Variants in CYP4F12 observed in about 807,000 individuals in gnomAD.
The protein encoded by CYP4F12 is cytochrome P450 4F12.
A neutral mutation model predicts 56.5 loss-of-function variants in CYP4F12; 60 were observed. That is an observed-to-expected ratio of 1.06 (90% CI 0.86 to 1.32). The LOEUF (loss-of-function observed/expected upper bound fraction) is 1.32. CYP4F12 is among the 40% of genes most tolerant of loss of function. The pLI, the probability that CYP4F12 is intolerant of heterozygous loss-of-function variation, is 0.00. For missense variants in CYP4F12, 711 were observed against 683.5 expected, an observed-to-expected ratio of 1.04 and a Z score of -0.45; for synonymous variants, 263 against 264.9, an observed-to-expected ratio of 0.99 and a Z score of 0.07.
intron 9 of CYP4F12, among the ~76,000 whole-genome samples, chr19:15,685,851 C>T (rs188206273): frequency 4.9e-4 from 74 of 152,342 alleles, no homozygotes; most frequent in Middle Eastern, 6.8e-3. Context: ...TCCTACCCTC[C>T]GGTCCAGTCC....
rs188811184 is a variant in CYP4F12 at position 15,685,380 on chromosome 19, G to A, written c.1115+183G>A. Among the ~76,000 whole-genome samples the A allele has an allele frequency of 1.3e-3, 202 of 152,286 alleles. 1 individual carries two copies. The highest frequency in any genetic ancestry group is 1.7e-3 in the Non-Finnish European group (118 of 68,020). ...TCAGGGGAAAAGTTGCAGGCCTTTAGGACCGAAAGACCCGGGCTGCTAAGA... is the reference window on the plus strand; with the variant it reads ...TCAGGGGAAAAGTTGCAGGCCTTTAAGACCGAAAGACCCGGGCTGCTAAGA... On this transcript the variant is annotated intron_variant, in intron 9 of 12. Coordinates refer to ENST00000550308, the MANE Select transcript of CYP4F12 (RefSeq NM_023944.4).
In CYP4F12 at chr19:15,678,258, C is replaced by A; in HGVS notation, c.199-3C>A. ...GAAGTGACAGCCCTTGACTTGCTTT[C>A]AGATCACTCCTACAGAGGAGGGCTT... On this transcript the variant is annotated splice_region_variant and splice_polypyrimidine_tract_variant and intron_variant, in intron 2 of 12. Transcript: ENST00000550308. 6.2e-7 allele frequency: 1 copy of A among 1,614,188 alleles called. No individual in the cohort carries two copies. Among genetic ancestry groups the A allele is most frequent in the African/African-American group, 1.3e-5 (1 of 75,068 alleles).
chr19:15,694,205 G>GT (rs1242681263), intron 9 of CYP4F12, among the ~76,000 whole-genome samples: 4 of 149,650 alleles, frequency 2.7e-5, no homozygotes, highest in Admixed American at 2.0e-4. Flanking sequence ...CTTTAAAGTA[G>GT]TTTTTTCCAA....
chr19:15,685,271 A>C (rs1488303815), intron 9 of CYP4F12, 74 bp downstream of exon 9: 1 of 1,558,660 alleles, frequency 6.4e-7, no homozygotes. Flanking sequence ...GGGGTGGAGG[A>C]GTTGTTTTGT....
chr19:15,690,144 T>C (rs1426644626), intron 9 of CYP4F12, among the ~76,000 whole-genome samples: 1 of 152,204 alleles, frequency 6.6e-6, no homozygotes, highest in African/African-American at 2.4e-5. Context: ...ATTAACAATA[T>C]ATCTTTGGGA....
chr19:15,678,624 C>A, intron 3 of CYP4F12: 1 of 569,630 alleles, frequency 1.8e-6, no homozygotes, highest in African/African-American at 1.9e-5. Context: ...AACCCCCATG[C>A]TTAAGGACAC....
At chr19:15,685,493 C>A (rs1314325035) in intron 9 of CYP4F12, among the ~76,000 whole-genome samples, 1 of 152,186 alleles carries the variant, frequency 6.6e-6, no homozygotes, top group East Asian at 1.9e-4. Flanking sequence ...TCTGTTCTCC[C>A]AGAAATATCA....
chr19:15,676,149 G>A (rs1204360258), intron 2 of CYP4F12, among the ~76,000 whole-genome samples: 1 of 152,072 alleles, frequency 6.6e-6, no homozygotes, highest in East Asian at 1.9e-4. Flanking sequence ...GCCCTCAATG[G>A]ATTGGATGGG....
chr19:15,680,261 G>A lies in CYP4F12; in HGVS notation c.361G>A (p.Asp121Asn). The A allele has an allele frequency of 6.2e-7, 1 of 1,607,870 alleles. No homozygotes were observed. Among genetic ancestry groups the A allele is most frequent in the Non-Finnish European group, 8.5e-7 (1 of 1,176,528 alleles). The change falls in exon 4 of 13, where the codon GAT becomes AAT. Residue 121 changes from aspartate to asparagine, a missense_variant. Physicochemically the swap from Asp to Asn is conservative, Grantham distance 23 (BLOSUM62 1). Coordinates refer to ENST00000550308, the MANE Select transcript of CYP4F12 (RefSeq NM_023944.4). ...CATGTCAGCTGCCATTGCACCCAAGGATAATCTCTTCATCAGGTTCCTGAA... is the reference window on the plus strand; with the variant it reads ...CATGTCAGCTGCCATTGCACCCAAGAATAATCTCTTCATCAGGTTCCTGAA... Reference protein sequence around the residue: ...TNASAAIAPKDNLFIRFLKPW... With the variant: ...TNASAAIAPKNNLFIRFLKPW...
chr19:15,690,882 G>GT (rs1384637039), intron 9 of CYP4F12, among the ~76,000 whole-genome samples: 6 of 152,128 alleles, frequency 3.9e-5, no homozygotes, highest in African/African-American at 1.2e-4. Context: ...CTGTCTGTCT[G>GT]TTTACATCTA....
chr19:15,682,714 G>A (rs2007373878), intron 6 of CYP4F12, among the ~76,000 whole-genome samples: 1 of 152,216 alleles, frequency 6.6e-6, no homozygotes, highest in South Asian at 2.1e-4. Flanking sequence ...GATGAGCCAA[G>A]CATGTGCAAG....
chr19:15,680,385 C>T lies in CYP4F12; in HGVS notation c.398-7C>T. 3 of 1,614,132 alleles carry T rather than the reference C, an allele frequency of 1.9e-6. No individual in the cohort carries two copies. Among genetic ancestry groups the T allele is most frequent in the Non-Finnish European group, 2.5e-6 (3 of 1,179,998 alleles). On this transcript the variant is annotated splice_region_variant and splice_polypyrimidine_tract_variant and intron_variant, in intron 4 of 12. Transcript: ENST00000550308. Reference sequence around the variant, plus strand: ...CTCTTGCCCACTGTCCTTGGCTGCCCTACTAGGAGAAGGGATACTGCTGAG... The same window carrying T: ...CTCTTGCCCACTGTCCTTGGCTGCCTTACTAGGAGAAGGGATACTGCTGAG...
chr19:15,696,897 C>A lies in CYP4F12; in HGVS notation c.1398-11C>A, dbSNP rs775837242. ...CTTGGGCACAGTCACAGTCCCCACT[C>A]CCGCCTGCAGGAACTGCATCGGGCA... On this transcript the variant is annotated splice_polypyrimidine_tract_variant and intron_variant, in intron 12 of 12. Transcript: ENST00000550308. 2.5e-6 allele frequency: 4 copies of A among 1,607,298 alleles called. No homozygotes were observed. Among genetic ancestry groups the A allele is most frequent in the Non-Finnish European group, 2.6e-6 (3 of 1,176,388 alleles).
intron 9 of CYP4F12, among the ~76,000 whole-genome samples, chr19:15,690,870 ATCTG>A (rs1285933003): frequency 1.2e-4 from 19 of 152,266 alleles, no homozygotes; most frequent in Admixed American, 2.0e-4. Flanking sequence ...TTTGTCATCT[ATCTG>A]TCTGTCTGTT....
intron 3 of CYP4F12, among the ~76,000 whole-genome samples, chr19:15,679,183 C>T (rs2007147537): frequency 6.6e-6 from 1 of 152,226 alleles, no homozygotes; most frequent in Admixed American, 6.5e-5. Context: ...AGGTCACCAG[C>T]TCTCTGGCTG....
At chr19:15,673,303 A>AGGTCCTCACCC (rs764083953) in intron 1 of CYP4F12, 168 bp downstream of exon 1, 1 of 585,388 alleles carries the variant, frequency 1.7e-6, no homozygotes, top group Non-Finnish European at 3.1e-6. Flanking sequence ...CTGGACTCTA[A>AGGTCCTCACCC]TCGGCCCATC....
chr19:15,691,157 A>G (rs2007850381), intron 9 of CYP4F12, among the ~76,000 whole-genome samples: 1 of 152,186 alleles, frequency 6.6e-6, no homozygotes, highest in African/African-American at 2.4e-5. Context: ...TCTGGTCTGC[A>G]TTGTGTGACA....
intron 9 of CYP4F12, among the ~76,000 whole-genome samples, chr19:15,687,053 G>T (rs112591094): frequency 6.6e-6 from 1 of 151,824 alleles, no homozygotes; most frequent in South Asian, 2.1e-4. Context: ...CGAGGCGGGC[G>T]GATCACGAGG....
intron 3 of CYP4F12, chr19:15,678,649 A>G: frequency 2.1e-6 from 1 of 487,278 alleles, no homozygotes; most frequent in South Asian, 3.0e-5. Flanking sequence ...CTAGACAGAG[A>G]CATTTCCAGC....
Sources: allele counts gnomAD v4.1 joint callset (sites outside exome capture counted in the v4.1 genomes callset), GRCh38; gene constraint gnomAD v4.1.1; transcripts MANE v1.5; gene names NCBI Gene and HGNC (gene_info 2026-07-23, HGNC 2026-07-21).